Variants in FAM186B observed in about 807,000 individuals in gnomAD.
FAM186B encodes the protein family with sequence similarity 186 member B, also known as protein FAM186B.
Under a neutral mutation model 83.4 loss-of-function variants are expected in FAM186B, and 68 were observed. The ratio of observed to expected loss-of-function variants is 0.81; its 90% CI spans 0.67 to 1.00. The LOEUF (loss-of-function observed/expected upper bound fraction) is 1.00, where lower values mean the gene tolerates loss of function less well. FAM186B is among the 50% of genes least tolerant of loss of function. The pLI is 0.00. For missense variants in FAM186B, 983 were observed against 1,099.2 expected, an observed-to-expected ratio of 0.89 and a Z score of 1.49; for synonymous variants, 389 against 422.0, an observed-to-expected ratio of 0.92 and a Z score of 0.96.
chr12:49,588,523 G>T lies in FAM186B; in HGVS notation c.2465C>A (p.Pro822His). ...LPAASPRHIR[P>H]SGPTYKQPFL... is the part of the protein sequence containing the mutation. ...GGGCTGCTTGTAGGTGGGGCCACTG[G>T]GGCGGATGTGCCGGGGTGAGGCTGC... The change falls in exon 6 of 7, where the codon CCC becomes CAC. Residue 822 changes from proline (P) to histidine (H), a missense_variant. Transcript: ENST00000257894. 1 of 1,613,502 alleles carries T rather than the reference G, an allele frequency of 6.2e-7. No homozygotes were observed. Among genetic ancestry groups the T allele is most frequent in the African/African-American group, 1.3e-5 (1 of 75,052 alleles).
At chr12:49,614,842 A>G in the FAM186B span, among the ~76,000 whole-genome samples, 2 of 152,120 alleles carry the variant, frequency 1.3e-5, no homozygotes, top group Non-Finnish European at 2.9e-5. Context: ...AAAGGACTAC[A>G]CACTGGGGCC....
downstream of FAM186B, among the ~76,000 whole-genome samples, chr12:49,587,017 C>T (rs1045335332): frequency 5.9e-5 from 9 of 152,164 alleles, no homozygotes; most frequent in African/African-American, 1.7e-4. Context: ...TGGGATTGCT[C>T]ATGTAGAGAG....
At chr12:49,597,751 AAATAAAT>A (rs1939762617) in intron 5 of FAM186B, among the ~76,000 whole-genome samples, 1 of 152,210 alleles carries the variant, frequency 6.6e-6, no homozygotes, top group African/African-American at 2.4e-5. Flanking sequence ...AAAACATTTT[AAATAAAT>A]AATAAATAAT....
rs767215805 is a variant in FAM186B at position 49,588,419 on chromosome 12, T to C, written c.2534+35A>G. 11 of 1,585,258 alleles carry C rather than the reference T, an allele frequency of 6.9e-6. No individual in the cohort carries two copies. The Admixed American group carries it at 1.7e-4, about 25-fold the overall frequency. On this transcript the variant is annotated intron_variant, in intron 6 of 6. Coordinates refer to ENST00000257894, the MANE Select transcript of FAM186B (RefSeq NM_032130.3). Reference sequence around the variant, plus strand: ...CCCCTGCTCCCTGCCTCTTCACCCATACAGCTGCTGCCCCCTCAGCTTCCC... The same window carrying C: ...CCCCTGCTCCCTGCCTCTTCACCCACACAGCTGCTGCCCCCTCAGCTTCCC...
Position 49,603,821 on chromosome 12 carries a change from A to G in FAM186B, c.323-454T>C, listed in dbSNP as rs183536983. Among the ~76,000 whole-genome samples, 14 of 152,278 alleles carry G rather than the reference A, an allele frequency of 9.2e-5. No individual in the cohort carries two copies. In the East Asian group the frequency reaches 2.7e-3, roughly 29 times the overall value. On this transcript the variant is annotated intron_variant, in intron 2 of 6. Transcript: ENST00000257894. ...TATGCAGGGGGCAGGGCACATACCA[A>G]TACCATCTTCTTCCAACACTGGAGC...
intron 3 of FAM186B, among the ~76,000 whole-genome samples, chr12:49,601,977 G>C (rs1939906022): frequency 6.6e-6 from 1 of 152,210 alleles, no homozygotes; most frequent in South Asian, 2.1e-4. Flanking sequence ...AGGCCATGTG[G>C]CCTAGTGGTC....
At position 49,598,854 on chromosome 12, in the gene FAM186B, G is replaced by A. The variant is rs1939793616; in HGVS notation, c.2265C>T (p.Arg755=). The change falls in exon 5 of 7, where the codon CGC becomes CGT. Residue 755 remains arginine, a synonymous_variant. Transcript: ENST00000257894. ...NLYIFLENID[R]LQSLRLQAWT... is the part of the protein sequence containing the mutation. ...AGGCCTGCAGCCTGAGACTCTGCAG[G>A]CGGTCAATGTTTTCCAGGAAGATGT... is the stretch of plus-strand genomic sequence containing the variant. 6.2e-7 allele frequency: 1 copy of A among 1,613,348 alleles called. No homozygotes were observed. Among genetic ancestry groups the A allele is most frequent in the African/African-American group, 1.3e-5 (1 of 74,736 alleles).
At chr12:49,585,168 G>A (rs1428151867), downstream of FAM186B, among the ~76,000 whole-genome samples, 4 of 152,052 alleles carry the variant, frequency 2.6e-5, no homozygotes, top group Admixed American at 6.5e-5. Flanking sequence ...ACAGGCGCCC[G>A]CCACCATGCC....
In FAM186B at chr12:49,588,461, T is replaced by TCTGCAGGGGCACAC. The variant is rs1430869386; in HGVS notation, c.2513_2526dup (p.Met843ValfsTer29). ...CAGCTTCCCAGAACCTACCGGGCCA[T>TCTGCAGGGGCACAC]CTGCAGGGGCACACATGCCCGGTGC... is the stretch of plus-strand genomic sequence containing the variant. On this transcript the variant is annotated frameshift_variant, in exon 6 of 7. Coordinates refer to ENST00000257894, the MANE Select transcript of FAM186B (RefSeq NM_032130.3). LOFTEE classifies it low-confidence loss of function (END_TRUNC). 1 of 1,611,578 alleles carries TCTGCAGGGGCACAC rather than the reference T, an allele frequency of 6.2e-7. No individual in the cohort carries two copies. The highest frequency in any genetic ancestry group is 2.2e-5 in the East Asian group (1 of 44,794).
upstream of FAM186B, among the ~76,000 whole-genome samples, chr12:49,609,719 C>T (rs1332793027): frequency 6.6e-6 from 1 of 152,150 alleles, no homozygotes. Flanking sequence ...GGAGGTTTCC[C>T]AACTCAACAA....
At chr12:49,588,711 C>G in intron 5 of FAM186B, 88 bp from the exon 6 acceptor site, 2 of 1,371,070 alleles carry the variant, frequency 1.5e-6, no homozygotes, top group South Asian at 2.8e-5. Context: ...TGTTGGTGCC[C>G]CTGCTGGACT....
chr12:49,598,918 A>G lies in FAM186B; in HGVS notation c.2201T>C (p.Met734Thr), dbSNP rs766984408. 2.5e-6 allele frequency: 4 copies of G among 1,613,648 alleles called. No homozygotes were observed. The Admixed American group carries it at 6.7e-5, about 27-fold the overall frequency. ...RQEAINHVQI[M>T]KETEASYKAQ... is the part of the protein sequence containing the mutation. ...CTTGTAGGAAGCCTCCGTTTCTTTC[A>G]TGATTTGTACATGGTTGATCGCTTC... The change falls in exon 5 of 7, where the codon ATG becomes ACG. Residue 734 changes from methionine (M) to threonine (T), a missense_variant. Met to Thr is a moderately conservative substitution (Grantham distance 81). Transcript: ENST00000257894.
chr12:49,589,164 C>T (rs924257828), intron 5 of FAM186B, among the ~76,000 whole-genome samples: 1 of 152,236 alleles, frequency 6.6e-6, no homozygotes, highest in Non-Finnish European at 1.5e-5. Flanking sequence ...CAAGGCTCTT[C>T]TGGCTGCCTG....
At chr12:49,596,475 T>C (rs1939729254) in intron 5 of FAM186B, among the ~76,000 whole-genome samples, 2 of 150,188 alleles carry the variant, frequency 1.3e-5, no homozygotes, top group Non-Finnish European at 3.0e-5. Flanking sequence ...TCTAATAAAC[T>C]TGATGTCTTT....
chr12:49,605,745 C>A, upstream of FAM186B: 2 of 265,046 alleles, frequency 7.5e-6, no homozygotes, highest in Non-Finnish European at 7.0e-6. Context: ...ATTTACTTGA[C>A]TTGTTGCCTT....
Position 49,588,637 on chromosome 12 carries a change from CAG to C in FAM186B, c.2365-16_2365-15del. ...CTCCAGCTGGAGCTAGAGGAACCAGCAGAGAGGCATCAGGGAAACAGGAAGTT... is the reference window on the plus strand; with the variant it reads ...CTCCAGCTGGAGCTAGAGGAACCAGCAGAGGCATCAGGGAAACAGGAAGTT... On this transcript the variant is annotated splice_polypyrimidine_tract_variant and intron_variant, in intron 5 of 6. Transcript: ENST00000257894. 1 of 1,552,742 alleles carries C rather than the reference CAG, an allele frequency of 6.4e-7. No individual in the cohort carries two copies. Among genetic ancestry groups the C allele is most frequent in the Non-Finnish European group, 8.7e-7 (1 of 1,144,216 alleles).
chr12:49,603,084 G>T, intron 3 of FAM186B, 101 bp downstream of exon 3: 2 of 1,285,188 alleles, frequency 1.6e-6, no homozygotes, highest in Non-Finnish European at 1.1e-6. Flanking sequence ...TTCTGTGATG[G>T]AGGAGAATCA....
the FAM186B span, among the ~76,000 whole-genome samples, chr12:49,618,862 G>C: frequency 6.6e-6 from 1 of 152,232 alleles, no homozygotes; most frequent in Non-Finnish European, 1.5e-5. Context: ...CCAATAGGAT[G>C]ATTCAAGATT....
chr12:49,622,434 G>A, the FAM186B span, among the ~76,000 whole-genome samples: 12 of 152,228 alleles, frequency 7.9e-5, no homozygotes, highest in East Asian at 2.3e-3. Flanking sequence ...TTGAGACCAG[G>A]AGGCTGAGGC....
Sources: allele counts gnomAD v4.1 joint callset (sites outside exome capture counted in the v4.1 genomes callset), GRCh38; gene constraint gnomAD v4.1.1; transcripts MANE v1.5; gene names NCBI Gene and HGNC (gene_info 2026-07-23, HGNC 2026-07-21).